Variants in RNF125 observed in about 807,000 individuals in gnomAD.
RNF125 encodes the protein E3 ubiquitin-protein ligase RNF125.
In RNF125, 21 loss-of-function variants were observed where a neutral mutation model predicts 26.0. The observed-to-expected ratio is 0.81, with a 90% confidence interval of 0.57 to 1.16. RNF125 has a LOEUF of 1.16. Among genes scored for constraint, RNF125 ranks in the 50% most tolerant of loss-of-function variants. The pLI is 0.00. For synonymous variants in RNF125, 95 were observed against 109.2 expected (o/e 0.87, Z 0.81); for missense variants, 270 against 299.4 (o/e 0.90, Z 0.72).
downstream of RNF125, chr18:32,076,291 T>C (rs1019515947): frequency 1.5e-5 from 5 of 335,982 alleles, no homozygotes; most frequent in Non-Finnish European, 2.9e-5. Context: ...CATGGAAAGA[T>C]TGTGGAAAGA....
At chr18:32,033,912 G>A (rs1463135158) in intron 1 of RNF125, among the ~76,000 whole-genome samples, 1 of 151,130 alleles carries the variant, frequency 6.6e-6, no homozygotes, top group Non-Finnish European at 1.5e-5. Context: ...GACAGTGACT[G>A]ATATCCCATC....
chr18:32,073,068 T>A lies in RNF125; in HGVS notation c.*4684T>A, dbSNP rs2039546824. ...AAAAGTCACTAAGAGATTCATTCTTTTATTATTCAACTACAAAAAAATAGT... is the reference window on the plus strand; with the variant it reads ...AAAAGTCACTAAGAGATTCATTCTTATATTATTCAACTACAAAAAAATAGT... On this transcript the variant is annotated 3_prime_UTR_variant, in exon 6 of 6. Transcript: ENST00000217740. 1 of 151,338 alleles carries A rather than the reference T, an allele frequency of 6.6e-6. No homozygotes were observed. The highest frequency in any genetic ancestry group is 1.5e-5 in the Non-Finnish European group (1 of 67,870). The allele number at this position is 151,338 out of a possible 1,614,324, so 9.4% of individuals were successfully genotyped here. A position where few individuals can be genotyped will look rare whatever the true frequency, so the allele number is the denominator to read the frequency against.
chr18:32,069,885 G>A lies in RNF125; in HGVS notation c.*1501G>A, dbSNP rs773428248. ...TTTGCTGATTGCACACTCATGGCACGGTTCAGCACATTGCCCTGTCCTCTC... is the reference window on the plus strand; with the variant it reads ...TTTGCTGATTGCACACTCATGGCACAGTTCAGCACATTGCCCTGTCCTCTC... On this transcript the variant is annotated 3_prime_UTR_variant, in exon 6 of 6. Coordinates refer to ENST00000217740, the MANE Select transcript of RNF125 (RefSeq NM_017831.4). The A allele has an allele frequency of 2.6e-5, 4 of 152,062 alleles. No individual in the cohort carries two copies. Among genetic ancestry groups the A allele is most frequent in the Admixed American group, 6.6e-5 (1 of 15,254 alleles). The allele number at this position is 152,062 out of a possible 1,614,324, so 9.4% of individuals were successfully genotyped here. A position where few individuals can be genotyped will look rare whatever the true frequency, so the allele number is the denominator to read the frequency against.
chr18:32,025,680 A>G (rs1420114589), intron 1 of RNF125, among the ~76,000 whole-genome samples: 4 of 148,612 alleles, frequency 2.7e-5, no homozygotes. Flanking sequence ...AAAAAAAAAA[A>G]AAAAAAAAGA....
At chr18:32,064,491 T>G (rs1387920339) in intron 4 of RNF125, among the ~76,000 whole-genome samples, 1 of 143,698 alleles carries the variant, frequency 7.0e-6, no homozygotes, top group Non-Finnish European at 1.5e-5. Context: ...TGGCTAATTT[T>G]TTTGTCTCCA....
chr18:32,048,586 G>T (rs984984869), intron 4 of RNF125, among the ~76,000 whole-genome samples: 15 of 152,190 alleles, frequency 9.9e-5, no homozygotes, highest in Admixed American at 3.3e-4. Context: ...CACACAGCTG[G>T]TAAGTAACAA....
At chr18:32,025,690 A>G (rs2039027813) in intron 1 of RNF125, among the ~76,000 whole-genome samples, 1 of 147,176 alleles carries the variant, frequency 6.8e-6, no homozygotes, top group Admixed American at 6.7e-5. Context: ...AAAAAAAAAG[A>G]AGACAGAGGA....
In RNF125 at chr18:32,042,152, G is replaced by C. The variant is rs368852977; in HGVS notation, c.319-27G>C. 4 of 1,545,786 alleles carry C rather than the reference G, an allele frequency of 2.6e-6. No homozygotes were observed. The African/African-American group carries it at 5.5e-5, about 21-fold the overall frequency. ...TCATTGAGCCCTTTTTTAACAGTGA[G>C]TTTATTTTGAATTTGTTTTTATGTA... is the stretch of plus-strand genomic sequence containing the variant. On this transcript the variant is annotated intron_variant, in intron 2 of 5. Coordinates refer to ENST00000217740, the MANE Select transcript of RNF125 (RefSeq NM_017831.4).
At chr18:32,064,887 C>A (rs1356785547) in intron 4 of RNF125, among the ~76,000 whole-genome samples, 2 of 152,084 alleles carry the variant, frequency 1.3e-5, no homozygotes, top group Non-Finnish European at 2.9e-5. Flanking sequence ...AGGAACTAAT[C>A]CCCTAAAAGG....
intron 3 of RNF125, among the ~76,000 whole-genome samples, chr18:32,044,648 T>G (rs2039250969): frequency 6.6e-6 from 1 of 152,176 alleles, no homozygotes; most frequent in South Asian, 2.1e-4. Flanking sequence ...AAGTGCAATC[T>G]GAGCATGCAT....
the RNF125 span, among the ~76,000 whole-genome samples, chr18:32,083,232 G>T: frequency 1.3e-5 from 2 of 152,200 alleles, no homozygotes; most frequent in Non-Finnish European, 2.9e-5. Flanking sequence ...TAAGGTTGCA[G>T]TATCATGAGA....
At chr18:32,034,117 T>C (rs1390111220) in intron 1 of RNF125, among the ~76,000 whole-genome samples, 6 of 152,244 alleles carry the variant, frequency 3.9e-5, no homozygotes, top group Non-Finnish European at 8.8e-5. Context: ...TTCCTGTGCC[T>C]GGTCTGTTTA....
At chr18:32,034,537 T>A (rs1598811922) in intron 1 of RNF125, among the ~76,000 whole-genome samples, 1 of 152,168 alleles carries the variant, frequency 6.6e-6, no homozygotes, top group East Asian at 1.9e-4. Context: ...GGGAGTGTAT[T>A]AAGATTAAAT....
chr18:32,026,643 CCT>C (rs1206539772), intron 1 of RNF125, among the ~76,000 whole-genome samples: 2 of 152,132 alleles, frequency 1.3e-5, no homozygotes, highest in Non-Finnish European at 2.9e-5. Flanking sequence ...GGGGTACCCA[CCT>C]CTCCTCACCT....
chr18:32,042,146 C>G, intron 2 of RNF125, 33 bp from the exon 3 acceptor site: 2 of 1,493,444 alleles, frequency 1.3e-6, no homozygotes, highest in Admixed American at 1.7e-5. Context: ...CCTTTTTTAA[C>G]AGTGAGTTTA....
chr18:32,037,177 C>A lies in RNF125; in HGVS notation c.226C>A (p.Arg76=). 6.2e-7 allele frequency: 1 copy of A among 1,605,162 alleles called. No homozygotes were observed. Among genetic ancestry groups the A allele is most frequent in the Non-Finnish European group, 8.5e-7 (1 of 1,177,008 alleles). The change falls in exon 2 of 6, where the codon CGG becomes AGG. Residue 76 remains arginine (R), a synonymous_variant. Coordinates refer to ENST00000217740, the MANE Select transcript of RNF125 (RefSeq NM_017831.4). ...KNNKWTCPYC[R]AYLPSEGVPA... is the part of the protein sequence containing the mutation. ...CAACAAGTGGACCTGTCCTTATTGC[C>A]GGGCATATCTTCCTTCAGAAGGAGT...
intron 1 of RNF125, among the ~76,000 whole-genome samples, chr18:32,026,587 T>A (rs1406165030): frequency 1.3e-5 from 2 of 152,032 alleles, no homozygotes; most frequent in Non-Finnish European, 2.9e-5. Context: ...AGCTGTGGCA[T>A]TTCATGCTTC....
the RNF125 span, among the ~76,000 whole-genome samples, chr18:32,080,151 C>CTG: frequency 1.3e-5 from 2 of 152,164 alleles, no homozygotes; most frequent in South Asian, 4.1e-4. Context: ...GCCTCTGACT[C>CTG]CCTGGTAGCT....
At chr18:32,030,813 T>C (rs1375247925) in intron 1 of RNF125, among the ~76,000 whole-genome samples, 1 of 152,132 alleles carries the variant, frequency 6.6e-6, no homozygotes, top group African/African-American at 2.4e-5. Context: ...GGTGGAAAGG[T>C]AGAAAGAAGT....
Sources: gnomAD v4.1 joint callset for allele counts (sites outside exome capture counted in the v4.1 genomes callset) on GRCh38, gnomAD v4.1.1 for gene constraint, MANE v1.5 for transcripts, NCBI Gene and HGNC (gene_info 2026-07-23, HGNC 2026-07-21) for gene names.